NCKAP5: variants seen among roughly 807,000 people sequenced by gnomAD.
NCKAP5 encodes nck-associated protein 5.
NCKAP5 carries 92 observed loss-of-function variants against 167.0 expected under a neutral mutation model. The ratio of observed to expected loss-of-function variants is 0.55; its 90% CI spans 0.47 to 0.66. The LOEUF (loss-of-function observed/expected upper bound fraction) is 0.66. Ranked by LOEUF, NCKAP5 falls within the 30% of genes least tolerant of loss-of-function variation. The probability of loss-of-function intolerance (pLI) is 0.00; values close to 1 mark genes in which losing one functional copy is unlikely to be tolerated. For missense variants in NCKAP5, 2,378 were observed against 2,315.0 expected (o/e 1.03, Z -0.56); for synonymous variants, 891 against 877.4 (o/e 1.02, Z -0.27).
intron 11 of NCKAP5, among the ~76,000 whole-genome samples, chr2:132,856,732 C>G (rs997641988): frequency 6.6e-6 from 1 of 152,098 alleles, no homozygotes; most frequent in Non-Finnish European, 1.5e-5. Flanking sequence ...ATGGTAGGCT[C>G]CTTATTGGGA....
rs982680870 is a variant in NCKAP5 at position 133,559,059 on chromosome 2, G to C, written c.-71C>G. 3.3e-5 allele frequency: 5 copies of C among 152,060 alleles called. No homozygotes were observed. The highest frequency in any genetic ancestry group is 1.2e-4 in the African/African-American group (5 of 41,416). The allele number at this position is 152,060 out of a possible 1,614,324, so 9.4% of individuals were successfully genotyped here. ...TATTAATACTACTTACATGTATTGT[G>C]AGTCTATTTTGGTACAGGCACTTGA... On this transcript the variant is annotated 5_prime_UTR_variant, in exon 2 of 20. Transcript: ENST00000409261.
intron 3 of NCKAP5, among the ~76,000 whole-genome samples, chr2:133,385,218 C>G (rs1344176810): frequency 5.3e-5 from 8 of 152,126 alleles, no homozygotes; most frequent in Non-Finnish European, 4.4e-5. Flanking sequence ...TGAGATACAT[C>G]CCATCAACAC....
intron 2 of NCKAP5, among the ~76,000 whole-genome samples, chr2:133,528,115 C>A (rs1685071901): frequency 6.6e-6 from 1 of 151,868 alleles, no homozygotes; most frequent in African/African-American, 2.4e-5. Flanking sequence ...CAATGACCAC[C>A]CACTAAAATG....
At chr2:132,771,729 T>C (rs1417991981) in intron 16 of NCKAP5, among the ~76,000 whole-genome samples, 1 of 151,526 alleles carries the variant, frequency 6.6e-6, no homozygotes, top group Non-Finnish European at 1.5e-5. Context: ...CTAGAGTGCA[T>C]TGGCATGATC....
chr2:133,378,109 T>TA (rs1460997983), intron 3 of NCKAP5, among the ~76,000 whole-genome samples: 2 of 152,114 alleles, frequency 1.3e-5, no homozygotes, highest in Admixed American at 6.5e-5. Context: ...TAGAAGAATA[T>TA]AAAAAATAAA....
chr2:133,475,349 C>A (rs1679787418), intron 3 of NCKAP5, among the ~76,000 whole-genome samples: 1 of 152,210 alleles, frequency 6.6e-6, no homozygotes. Context: ...CATGCACAAG[C>A]TTAGTCACAC....
At chr2:133,139,148 C>T (rs1310518215) in intron 5 of NCKAP5, among the ~76,000 whole-genome samples, 3 of 152,150 alleles carry the variant, frequency 2.0e-5, no homozygotes, top group Non-Finnish European at 4.4e-5. Flanking sequence ...CTGTATTTCC[C>T]TCTTGTGTCT....
intron 8 of NCKAP5, among the ~76,000 whole-genome samples, chr2:132,932,544 G>A (rs1003566382): frequency 6.6e-6 from 1 of 152,128 alleles, no homozygotes; most frequent in Non-Finnish European, 1.5e-5. Context: ...AACACCAATG[G>A]CACTCACCAG....
At chr2:132,863,295 T>A (rs575813608) in intron 10 of NCKAP5, among the ~76,000 whole-genome samples, 1 of 152,076 alleles carries the variant, frequency 6.6e-6, no homozygotes, top group East Asian at 1.9e-4. Flanking sequence ...ACCTATTGGA[T>A]GGGAAAACAC....
intron 5 of NCKAP5, among the ~76,000 whole-genome samples, chr2:133,141,084 A>C (rs185832623): frequency 1.2e-3 from 184 of 152,194 alleles, no homozygotes; most frequent in Non-Finnish European, 1.5e-3. Context: ...TTCTCTCGGT[A>C]ACAACTTTTA....
At chr2:133,631,550 A>G in the NCKAP5 span, among the ~76,000 whole-genome samples, 15,038 of 152,232 alleles carry the variant, frequency 0.099, 861 homozygotes, top group African/African-American at 0.14. Flanking sequence ...ATGTGATGTT[A>G]TTCTGTGAGT....
intron 6 of NCKAP5, among the ~76,000 whole-genome samples, chr2:133,022,010 T>C (rs2078546608): frequency 6.6e-6 from 1 of 152,140 alleles, no homozygotes; most frequent in Admixed American, 6.5e-5. Context: ...TTATGATATA[T>C]TTTCTCCTTT....
At chr2:133,580,653 A>C in the NCKAP5 span, among the ~76,000 whole-genome samples, 1 of 152,154 alleles carries the variant, frequency 6.6e-6, no homozygotes, top group Non-Finnish European at 1.5e-5. Context: ...TTTATTCCCA[A>C]GACAAATTAA....
At chr2:132,767,560 A>G (rs1681620139) in intron 16 of NCKAP5, among the ~76,000 whole-genome samples, 1 of 152,188 alleles carries the variant, frequency 6.6e-6, no homozygotes, top group Admixed American at 6.5e-5. Flanking sequence ...TTTCTTAACT[A>G]TGAATAAAAC....
chr2:133,308,709 T>TC (rs1680993270), intron 3 of NCKAP5, among the ~76,000 whole-genome samples: 1 of 132,158 alleles, frequency 7.6e-6, no homozygotes, highest in African/African-American at 2.9e-5. Flanking sequence ...TTTTTTTTTT[T>TC]TTTTTTTTTT....
chr2:132,696,626 C>A (rs993652523), intron 19 of NCKAP5, among the ~76,000 whole-genome samples: 3 of 152,084 alleles, frequency 2.0e-5, no homozygotes, highest in East Asian at 1.9e-4. Flanking sequence ...TCTTTTCACT[C>A]GGATCATTAG....
chr2:133,036,339 C>T (rs1401050197), intron 6 of NCKAP5, among the ~76,000 whole-genome samples: 1 of 151,876 alleles, frequency 6.6e-6, no homozygotes, highest in Non-Finnish European at 1.5e-5. Flanking sequence ...CTGTATTACC[C>T]TCATACAAAA....
chr2:133,531,792 A>G (rs1286215923), intron 2 of NCKAP5, among the ~76,000 whole-genome samples: 1 of 152,216 alleles, frequency 6.6e-6, no homozygotes, highest in Non-Finnish European at 1.5e-5. Flanking sequence ...AAAAAGTTAA[A>G]CATACTGAAA....
intron 19 of NCKAP5, among the ~76,000 whole-genome samples, chr2:132,696,662 T>G (rs927492203): frequency 6.6e-6 from 1 of 152,306 alleles, no homozygotes; most frequent in African/African-American, 2.4e-5. Flanking sequence ...TCGTACATGA[T>G]TCACTGGCTT....
Sources: allele counts gnomAD v4.1 joint callset (sites outside exome capture counted in the v4.1 genomes callset), GRCh38; gene constraint gnomAD v4.1.1; transcripts MANE v1.5; gene names NCBI Gene and HGNC (gene_info 2026-07-23, HGNC 2026-07-21).